The following TGFBR2 variants were observed in gnomAD, a reference collection of about 807,000 sequenced individuals.
TGFBR2 encodes the protein transforming growth factor beta receptor 2.
TGFBR2 carries 18 observed loss-of-function variants against 49.0 expected under a neutral mutation model. The observed-to-expected ratio is 0.37, with a 90% CI of 0.25 to 0.54. The LOEUF is 0.54. Ranked by LOEUF, TGFBR2 falls within the 20% of genes least tolerant of loss-of-function variation. The pLI, the probability that TGFBR2 is intolerant of heterozygous loss-of-function variation, is 0.85. For missense variants in TGFBR2, 525 were observed against 722.6 expected, an observed-to-expected ratio of 0.73 and a Z score of 3.13; for synonymous variants, 282 against 275.9, an observed-to-expected ratio of 1.02 and a Z score of -0.22.
At chr3:30,628,533 T>TTG (rs1698378353) in intron 1 of TGFBR2, among the ~76,000 whole-genome samples, 1 of 142,684 alleles carries the variant, frequency 7.0e-6, no homozygotes, top group African/African-American at 2.5e-5. Flanking sequence ...TGTGGGTTTT[T>TTG]TTTTTTTTTT....
chr3:30,655,449 A>C (rs1698977051), intron 3 of TGFBR2, among the ~76,000 whole-genome samples: 1 of 152,194 alleles, frequency 6.6e-6, no homozygotes, highest in Admixed American at 6.5e-5. Context: ...TGAGTCTAGA[A>C]TTTCTAATCA....
At position 30,665,646 on chromosome 3, in the gene TGFBR2, T is replaced by C. The variant is rs563496455; in HGVS notation, c.455-5992T>C. ...CAAATCAAGCCAGGCAGATCTCCCA[T>C]TGGCACTAGTTACCAACTTCCTAGA... On this transcript the variant is annotated intron_variant, in intron 3 of 6. Coordinates refer to ENST00000295754, the MANE Select transcript of TGFBR2 (RefSeq NM_003242.6). Among the ~76,000 whole-genome samples the C allele has an allele frequency of 1.4e-4, 21 of 152,264 alleles. No homozygotes were observed. The East Asian group carries it at 4.1e-3, about 29-fold the overall frequency.
intron 5 of TGFBR2, among the ~76,000 whole-genome samples, chr3:30,688,141 AGCG>A (rs1559472236): frequency 2.0e-5 from 3 of 152,320 alleles, no homozygotes; most frequent in Non-Finnish European, 4.4e-5. Context: ...TGTGTCCCCC[AGCG>A]TAACACCTAG....
At chr3:30,645,491 C>CTTTCTTTT (rs1553627221) in intron 2 of TGFBR2, among the ~76,000 whole-genome samples, 1 of 136,356 alleles carries the variant, frequency 7.3e-6, no homozygotes, top group East Asian at 2.3e-4. Flanking sequence ...CTACATATTT[C>CTTTCTTTT]TTTTTTTTTT....
chr3:30,685,187 A>G (rs569843774), intron 5 of TGFBR2, among the ~76,000 whole-genome samples: 8 of 152,324 alleles, frequency 5.3e-5, no homozygotes, highest in African/African-American at 1.9e-4. Flanking sequence ...AATGCTTGGT[A>G]GAAAGGAAAA....
intron 1 of TGFBR2, among the ~76,000 whole-genome samples, chr3:30,630,296 C>T (rs956403691): frequency 2.6e-5 from 4 of 152,348 alleles, no homozygotes; most frequent in Middle Eastern, 3.4e-3. Context: ...CATACTAGAA[C>T]TTCCATAAAG....
chr3:30,661,673 T>G (rs1559463284), intron 3 of TGFBR2: 1 of 460,572 alleles, frequency 2.2e-6, no homozygotes, highest in Non-Finnish European at 4.3e-6. Flanking sequence ...CAGGATGATC[T>G]GGCTGAAAGA....
intron 4 of TGFBR2, 84 bp from the exon 5 acceptor site, chr3:30,674,021 T>C: frequency 6.4e-7 from 1 of 1,560,532 alleles, no homozygotes; most frequent in South Asian, 1.1e-5. Context: ...TCTGCACGTG[T>C]CAGGGGCCAC....
At chr3:30,613,525 T>TGAGAGAGA (rs34082216) in intron 1 of TGFBR2, among the ~76,000 whole-genome samples, 4 of 148,478 alleles carry the variant, frequency 2.7e-5, no homozygotes, top group Non-Finnish European at 6.0e-5. Flanking sequence ...TGTCTGTATG[T>TGAGAGAGA]GAGAGAGAGA....
At chr3:30,618,800 G>A (rs745592850) in intron 1 of TGFBR2, among the ~76,000 whole-genome samples, 13 of 152,186 alleles carry the variant, frequency 8.5e-5, no homozygotes, top group Non-Finnish European at 1.9e-4. Flanking sequence ...TTTGTCTGAT[G>A]CTCAGTGAAG....
At chr3:30,665,599 C>T (rs1176941831) in intron 3 of TGFBR2, among the ~76,000 whole-genome samples, 1 of 152,214 alleles carries the variant, frequency 6.6e-6, no homozygotes, top group Non-Finnish European at 1.5e-5. Context: ...ACAGCATCCA[C>T]AGTTGTCCAT....
chr3:30,632,004 T>TATGGA (rs1041368789), intron 1 of TGFBR2, among the ~76,000 whole-genome samples: 5 of 152,318 alleles, frequency 3.3e-5, no homozygotes, highest in African/African-American at 1.2e-4. Context: ...GATTAAGGAA[T>TATGGA]ATTGCTTTCC....
intron 2 of TGFBR2, among the ~76,000 whole-genome samples, chr3:30,645,853 ACTCATAC>A (rs1455845788): frequency 6.8e-6 from 1 of 147,718 alleles, no homozygotes; most frequent in Non-Finnish European, 1.5e-5. Context: ...ATTCCCTCCA[ACTCATAC>A]ATACATCTCA....
At chr3:30,639,212 C>T (rs1357218500) in intron 1 of TGFBR2, among the ~76,000 whole-genome samples, 1 of 152,206 alleles carries the variant, frequency 6.6e-6, no homozygotes, top group African/African-American at 2.4e-5. Context: ...TGGCATCACC[C>T]AGGGCAGCAG....
At position 30,693,101 on chromosome 3, in the gene TGFBR2, CT is replaced by C; in HGVS notation, c.*1506del. 1 of 233,180 alleles carries C rather than the reference CT, an allele frequency of 4.3e-6. No individual in the cohort carries two copies. Among genetic ancestry groups the C allele is most frequent in the African/African-American group, 2.2e-5 (1 of 45,438 alleles). The allele number at this position is 233,180 out of a possible 1,614,324, so 14.4% of individuals were successfully genotyped here. On this transcript the variant is annotated 3_prime_UTR_variant, in exon 7 of 7. Transcript: ENST00000295754. ...TCTGGTGTTAAGATTTGAAGTTGGC[CT>C]TTTATTGGACTAAAGGGGAACTCCT...
intron 1 of TGFBR2, among the ~76,000 whole-genome samples, chr3:30,622,879 CAAAAAAAAAAAAA>C (rs10575244): frequency 6.6e-5 from 5 of 75,624 alleles, no homozygotes; most frequent in African/African-American, 1.1e-4. Context: ...GACTTTGTCT[CAAAAAAAAAAAAA>C]AAAAAAAAAA....
chr3:30,647,497 T>C (rs1179117911), intron 2 of TGFBR2, among the ~76,000 whole-genome samples: 2 of 152,158 alleles, frequency 1.3e-5, no homozygotes, highest in Admixed American at 6.5e-5. Context: ...GTGTGGAAAC[T>C]GAAAGGCTCT....
At chr3:30,616,184 A>G (rs1305706243) in intron 1 of TGFBR2, among the ~76,000 whole-genome samples, 1 of 152,194 alleles carries the variant, frequency 6.6e-6, no homozygotes. Context: ...GTCTTTGACT[A>G]ATGGTAGGAT....
At chr3:30,615,419 A>C (rs548524825) in intron 1 of TGFBR2, among the ~76,000 whole-genome samples, 1 of 152,336 alleles carries the variant, frequency 6.6e-6, no homozygotes, top group African/African-American at 2.4e-5. Context: ...AGTTTTCCAA[A>C]TTTGAAGTCA....
Sources: allele counts gnomAD v4.1 joint callset (sites outside exome capture counted in the v4.1 genomes callset), GRCh38; gene constraint gnomAD v4.1.1; transcripts MANE v1.5; gene names NCBI Gene and HGNC (gene_info 2026-07-23, HGNC 2026-07-21).